The following MAP2K1 variants were observed in gnomAD, a reference collection of about 807,000 sequenced individuals.
MAP2K1 encodes the protein mitogen-activated protein kinase kinase 1, also known as dual specificity mitogen-activated protein kinase kinase 1.
Under a neutral mutation model 46.3 loss-of-function variants are expected in MAP2K1, and 16 were observed. That is an observed-to-expected ratio of 0.35 (90% confidence interval 0.23 to 0.52). The LOEUF is 0.52. Ranked by LOEUF, MAP2K1 falls within the 20% of genes least tolerant of loss-of-function variation. The pLI, the probability that MAP2K1 is intolerant of heterozygous loss-of-function variation, is 0.94. For missense variants in MAP2K1, 263 were observed against 497.1 expected (o/e 0.53, Z 4.48); for synonymous variants, 183 against 185.6 (o/e 0.99, Z 0.11).
In MAP2K1 at chr15:66,485,332, A is replaced by T. The variant is rs1893012211; in HGVS notation, c.895+141A>T. Reference sequence around the variant, plus strand: ...TGGATGCCAGGCTAGGGCCAGGGGAAGCAGCAAGGGTCTCCAGGTGGGTGT... The same window carrying T: ...TGGATGCCAGGCTAGGGCCAGGGGATGCAGCAAGGGTCTCCAGGTGGGTGT... On this transcript the variant is annotated intron_variant, in intron 7 of 10. Coordinates refer to ENST00000307102, the MANE Select transcript of MAP2K1 (RefSeq NM_002755.4). 3.6e-5 allele frequency: 29 copies of T among 797,546 alleles called. No homozygotes were observed. The Admixed American group carries it at 7.1e-4, about 20-fold the overall frequency. The allele number at this position is 797,546 out of a possible 1,614,324, so 49.4% of individuals were successfully genotyped here. A position where few individuals can be genotyped will look rare whatever the true frequency, so the allele number is the denominator to read the frequency against.
chr15:66,402,005 T>G, intron 1 of MAP2K1: 1 of 1,334,136 alleles, frequency 7.5e-7, no homozygotes, highest in Non-Finnish European at 9.8e-7. Context: ...CACATGCAAA[T>G]TTTTCTTCCT....
intron 1 of MAP2K1, among the ~76,000 whole-genome samples, chr15:66,391,764 C>A (rs2030778807): frequency 6.6e-6 from 1 of 151,878 alleles, no homozygotes; most frequent in African/African-American, 2.4e-5. Flanking sequence ...TCCCCATTTT[C>A]TTTTGTTTTA....
chr15:66,390,013 G>A (rs2093353088), intron 1 of MAP2K1, among the ~76,000 whole-genome samples: 16 of 152,184 alleles, frequency 1.1e-4, no homozygotes, highest in Admixed American at 1.0e-3. Context: ...GCTGTTGGCT[G>A]CTGGTGCCTT....
At chr15:66,456,503 C>A (rs1352198090) in intron 5 of MAP2K1, among the ~76,000 whole-genome samples, 3 of 152,178 alleles carry the variant, frequency 2.0e-5, no homozygotes, top group Non-Finnish European at 4.4e-5. Flanking sequence ...CAGCTTTGCT[C>A]ATTCTTGTGT....
chr15:66,393,850 A>G (rs140554818), intron 1 of MAP2K1, among the ~76,000 whole-genome samples: 349 of 151,570 alleles, frequency 2.3e-3, no homozygotes, highest in Non-Finnish European at 3.8e-3. Flanking sequence ...CACTTCCTTC[A>G]CCCCTCTGTT....
chr15:66,464,237 G>T (rs1423374370), intron 5 of MAP2K1, among the ~76,000 whole-genome samples: 4 of 152,176 alleles, frequency 2.6e-5, no homozygotes, highest in African/African-American at 9.7e-5. Context: ...TACTAGGAAA[G>T]CTCATTTTTA....
chr15:66,425,807 G>A (rs899224963), intron 1 of MAP2K1, among the ~76,000 whole-genome samples: 4 of 152,098 alleles, frequency 2.6e-5, no homozygotes, highest in African/African-American at 7.2e-5. Context: ...TTACAATTCC[G>A]GAAGGAAGGG....
chr15:66,489,822 C>T (rs947797890), intron 10 of MAP2K1, 59 bp downstream of exon 10: 3 of 1,405,688 alleles, frequency 2.1e-6, no homozygotes, highest in African/African-American at 2.8e-5. Flanking sequence ...TCTTCTCTGT[C>T]AGTCATCTGT....
intron 5 of MAP2K1, chr15:66,445,054 T>C (rs746446221): frequency 4.1e-6 from 1 of 242,988 alleles, no homozygotes; most frequent in Non-Finnish European, 8.0e-6. Flanking sequence ...ACTGGCCAGC[T>C]GCATATGAGT....
intron 1 of MAP2K1, among the ~76,000 whole-genome samples, chr15:66,406,848 TG>T (rs2093398226): frequency 6.6e-6 from 1 of 151,910 alleles, no homozygotes; most frequent in Non-Finnish European, 1.5e-5. Flanking sequence ...CTGACCAACA[TG>T]GAGAAACCCC....
Position 66,387,937 on chromosome 15 carries a change from G to A in MAP2K1, c.80+510G>A, listed in dbSNP as rs180844200. On this transcript the variant is annotated intron_variant, in intron 1 of 10. Transcript: ENST00000307102. The stretch of plus-strand genomic sequence containing the variant: ...CAGGCCAACTGCCTGGCCAGCGGGG[G>A]CGTGCTGGAAGTCCGTGTGGACTTC... 1.2e-4 allele frequency among the ~76,000 whole-genome samples: 19 copies of A among 152,340 alleles called. No homozygotes were observed. The East Asian group carries it at 3.7e-3, about 29-fold the overall frequency.
At chr15:66,412,049 C>G (rs2093412677) in intron 1 of MAP2K1, among the ~76,000 whole-genome samples, 1 of 152,140 alleles carries the variant, frequency 6.6e-6, no homozygotes, top group African/African-American at 2.4e-5. Context: ...ACATTGGAGA[C>G]AAATTATTGA....
chr15:66,437,014 C>A, intron 3 of MAP2K1, 122 bp downstream of exon 3: 1 of 1,003,262 alleles, frequency 1.0e-6, no homozygotes, highest in Non-Finnish European at 1.6e-6. Context: ...ACATCACTAT[C>A]TGGGGCATCT....
chr15:66,490,738 C>G lies in MAP2K1; in HGVS notation c.*123C>G, dbSNP rs1437046680. ...TTCACCTGTGACAAAGGATGAAGAACACAGCATGTGCCAAGATTCTACTCT... is the reference window on the plus strand; with the variant it reads ...TTCACCTGTGACAAAGGATGAAGAAGACAGCATGTGCCAAGATTCTACTCT... On this transcript the variant is annotated 3_prime_UTR_variant, in exon 11 of 11. Transcript: ENST00000307102. The G allele has an allele frequency of 2.7e-6, 2 of 753,120 alleles. No homozygotes were observed. Among genetic ancestry groups the G allele is most frequent in the East Asian group, 2.5e-5 (1 of 39,266 alleles). The allele number at this position is 753,120 out of a possible 1,614,324, so 46.7% of individuals were successfully genotyped here.
At chr15:66,392,255 G>T (rs6494569) in intron 1 of MAP2K1, among the ~76,000 whole-genome samples, 84,204 of 98,074 alleles carry the variant, frequency 0.86, 36,664 homozygotes, top group East Asian at 0.99. Context: ...TTTTTTTTGG[G>T]TTTTTTTTTT....
chr15:66,433,966 A>G (rs2093481024), intron 1 of MAP2K1, among the ~76,000 whole-genome samples: 1 of 152,248 alleles, frequency 6.6e-6, no homozygotes, highest in Admixed American at 6.5e-5. Context: ...CACTGCAGGC[A>G]GGCTGCTCTC....
At chr15:66,402,169 G>C (rs1461240627) in intron 1 of MAP2K1, among the ~76,000 whole-genome samples, 2 of 152,002 alleles carry the variant, frequency 1.3e-5, no homozygotes, top group African/African-American at 4.8e-5. Context: ...TTTTTGACTG[G>C]GCATTATGTA....
chr15:66,419,379 G>C (rs2093432185), intron 1 of MAP2K1, among the ~76,000 whole-genome samples: 1 of 151,922 alleles, frequency 6.6e-6, no homozygotes, highest in South Asian at 2.1e-4. Context: ...AATTAGTCGG[G>C]CGTGGTGGTG....
At chr15:66,468,192 T>C (rs1242617548) in intron 5 of MAP2K1, among the ~76,000 whole-genome samples, 6 of 152,366 alleles carry the variant, frequency 3.9e-5, no homozygotes, top group Non-Finnish European at 8.8e-5. Flanking sequence ...TAGTAAATCA[T>C]TGTGTACACA....
Sources: allele counts gnomAD v4.1 joint callset (sites outside exome capture counted in the v4.1 genomes callset), GRCh38; gene constraint gnomAD v4.1.1; transcripts MANE v1.5; gene names NCBI Gene and HGNC (gene_info 2026-07-23, HGNC 2026-07-21).